Variants in GAPT observed in about 807,000 individuals in gnomAD.
The protein encoded by GAPT is protein GAPT.
For synonymous variants in GAPT, 82 were observed against 69.7 expected (o/e 1.18, Z -0.88); for missense variants, 206 against 189.2 (o/e 1.09, Z -0.52).
chr5:58,492,227 C>T (rs1047946752), intron 1 of GAPT, among the ~76,000 whole-genome samples: 1 of 152,158 alleles, frequency 6.6e-6, no homozygotes, highest in Non-Finnish European at 1.5e-5. Flanking sequence ...CCTCAACCCT[C>T]ACCGTGACTT....
At chr5:58,492,051 A>G (rs541363219) in intron 1 of GAPT, among the ~76,000 whole-genome samples, 2 of 152,260 alleles carry the variant, frequency 1.3e-5, no homozygotes, top group East Asian at 3.9e-4. Context: ...TCTTGTCTTT[A>G]TCTTGGTAAA....
At chr5:58,492,984 A>G (rs1472218522) in intron 1 of GAPT, among the ~76,000 whole-genome samples, 1 of 152,158 alleles carries the variant, frequency 6.6e-6, no homozygotes. Flanking sequence ...CATGTTACAG[A>G]TATTTGGATA....
chr5:58,492,044 T>C (rs1217162900), intron 1 of GAPT, among the ~76,000 whole-genome samples: 1 of 152,202 alleles, frequency 6.6e-6, no homozygotes, highest in African/African-American at 2.4e-5. Flanking sequence ...AAAGTCTTCT[T>C]GTCTTTATCT....
rs2111771997 is a variant in GAPT at position 58,494,802 on chromosome 5, C to T, written c.266C>T (p.Thr89Ile). 6.2e-7 allele frequency: 1 copy of T among 1,613,968 alleles called. No homozygotes were observed. Among genetic ancestry groups the T allele is most frequent in the Non-Finnish European group, 8.5e-7 (1 of 1,179,972 alleles). Residue 89 changes from threonine (T) to isoleucine (I), a missense_variant, in exon 3 of 3, where the codon ACA (threonine) becomes ATA (isoleucine). Physicochemically the swap from Thr to Ile is moderately conservative, Grantham distance 89 (BLOSUM62 -1). Transcript: ENST00000502276. ...DHKSAVRGNN[T>I]HDNYENVEAG... is the part of the protein sequence containing the mutation. ...AAATCTGCTGTCAGGGGAAATAACA[C>T]ACACGACAACTATGAAAATGTGGAA...
At position 58,495,168 on chromosome 5, in the gene GAPT, A is replaced by C; in HGVS notation, c.*158A>C. 1 of 576,766 alleles carries C rather than the reference A, an allele frequency of 1.7e-6. No homozygotes were observed. Among genetic ancestry groups the C allele is most frequent in the South Asian group, 2.3e-5 (1 of 42,642 alleles). 35.7% of individuals were successfully genotyped at this position (576,766 alleles called of 1,614,324 possible). A position where few individuals can be genotyped will look rare whatever the true frequency, so the allele number is the denominator to read the frequency against. On this transcript the variant is annotated 3_prime_UTR_variant, in exon 3 of 3. Coordinates refer to ENST00000502276, the MANE Select transcript of GAPT (RefSeq NM_001304431.2). ...TAGAATATTATGCAGCCGTAAAAAA[A>C]GAACAAAACTAACATGGGAACAGAA...
At position 58,496,114 on chromosome 5, in the gene GAPT, T is replaced by C. The variant is rs923191389; in HGVS notation, c.*1104T>C. ...GCATTTACCTTTTTATTTTCTGATATAAGCTTTGATGCCTCTTCAATTCTT... is the reference window on the plus strand; with the variant it reads ...GCATTTACCTTTTTATTTTCTGATACAAGCTTTGATGCCTCTTCAATTCTT... On this transcript the variant is annotated 3_prime_UTR_variant, in exon 3 of 3. Coordinates refer to ENST00000502276, the MANE Select transcript of GAPT (RefSeq NM_001304431.2). 1.8e-5 allele frequency: 3 copies of C among 166,944 alleles called. No homozygotes were observed. The highest frequency in any genetic ancestry group is 4.4e-5 in the Non-Finnish European group (3 of 68,106). The allele number at this position is 166,944 out of a possible 1,614,324, so 10.3% of individuals were successfully genotyped here.
In GAPT at chr5:58,493,790, C is replaced by T. The variant is rs2111767616; in HGVS notation, c.-339C>T. 6.6e-6 allele frequency: 1 copy of T among 152,254 alleles called. No individual in the cohort carries two copies. Among genetic ancestry groups the T allele is most frequent in the Middle Eastern group, 3.4e-3 (1 of 294 alleles). 9.4% of individuals were successfully genotyped at this position (152,254 alleles called of 1,614,324 possible). Reference sequence around the variant, plus strand: ...AATGGTTAAGAAAAAGACATGGCCTCTGACTGCTCCAAAAAAGGATAAGCA... The same window carrying T: ...AATGGTTAAGAAAAAGACATGGCCTTTGACTGCTCCAAAAAAGGATAAGCA... On this transcript the variant is annotated 5_prime_UTR_variant, in exon 2 of 3. Coordinates refer to ENST00000502276, the MANE Select transcript of GAPT (RefSeq NM_001304431.2).
rs1393979190 is a variant in GAPT, at chr5:58,497,009, C to T, written c.*1999C>T. 1 of 167,100 alleles carries T rather than the reference C, an allele frequency of 6.0e-6. No homozygotes were observed. Among genetic ancestry groups the T allele is most frequent in the Non-Finnish European group, 1.5e-5 (1 of 68,148 alleles). The allele number at this position is 167,100 out of a possible 1,614,324, so 10.4% of individuals were successfully genotyped here. On this transcript the variant is annotated 3_prime_UTR_variant, in exon 3 of 3. Transcript: ENST00000502276. ...GTTACAGTTACTATCTCTGTGGTAC[C>T]TGTGTCCCCTTTTTTGTTTTTCCAT...
rs556010725 is a variant in GAPT, at chr5:58,495,124, A to G, written c.*114A>G. ...ATCAACTGTAGACTGGATAAAGAAAATGTGGTACACATACACCATAGAATA... is the reference window on the plus strand; with the variant it reads ...ATCAACTGTAGACTGGATAAAGAAAGTGTGGTACACATACACCATAGAATA... On this transcript the variant is annotated 3_prime_UTR_variant, in exon 3 of 3. Transcript: ENST00000502276. 1.1e-5 allele frequency: 7 copies of G among 664,390 alleles called. No homozygotes were observed. In the South Asian group the frequency reaches 1.4e-4, roughly 13 times the overall value. 41.2% of individuals were successfully genotyped at this position (664,390 alleles called of 1,614,324 possible). A position where few individuals can be genotyped will look rare whatever the true frequency, so the allele number is the denominator to read the frequency against.
chr5:58,493,550 C>T (rs866389677), intron 1 of GAPT, 161 bp from the exon 2 acceptor site: 5 of 152,260 alleles, frequency 3.3e-5, no homozygotes, highest in African/African-American at 1.2e-4. Flanking sequence ...TAGATGCTGA[C>T]ATTTGCAGTC....
intron 1 of GAPT, among the ~76,000 whole-genome samples, chr5:58,492,572 T>A (rs892488910): frequency 3.3e-5 from 5 of 152,184 alleles, no homozygotes; most frequent in Non-Finnish European, 7.4e-5. Context: ...ATTAAAATGT[T>A]TCTGCATCTG....
rs1456760517 is a variant in GAPT, at chr5:58,497,034, T to A, written c.*2024T>A. 6.0e-6 allele frequency: 1 copy of A among 167,140 alleles called. No homozygotes were observed. The highest frequency in any genetic ancestry group is 1.5e-5 in the Non-Finnish European group (1 of 68,162). 10.4% of individuals were successfully genotyped at this position (167,140 alleles called of 1,614,324 possible). A position where few individuals can be genotyped will look rare whatever the true frequency, so the allele number is the denominator to read the frequency against. ...CTGTGTCCCCTTTTTTGTTTTTCCA[T>A]CCTGCCAATGCCTGTTTAGCCAATT... is the stretch of plus-strand genomic sequence containing the variant. On this transcript the variant is annotated 3_prime_UTR_variant, in exon 3 of 3. Transcript: ENST00000502276.
chr5:58,494,548 C>A lies in GAPT; in HGVS notation c.12C>A (p.Ser4Arg). 1 of 1,609,054 alleles carries A rather than the reference C, an allele frequency of 6.2e-7. No homozygotes were observed. Among genetic ancestry groups the A allele is most frequent in the Non-Finnish European group, 8.5e-7 (1 of 1,177,186 alleles). Residue 4 changes from serine to arginine, a missense_variant, in exon 3 of 3, where the codon AGC becomes AGA. Physicochemically the swap from Ser to Arg is moderately radical, Grantham distance 110. Transcript: ENST00000502276. ...CTGTTTGTACAGAAATGTCGAAAAG[C>A]TGTGGAAATAATTTAGCGGCCATTT... Reference protein sequence around the residue: MSKSCGNNLAAISV... With the variant: MSKRCGNNLAAISV...
chr5:58,495,279 G>C lies in GAPT; in HGVS notation c.*269G>C, dbSNP rs1181181940. ...GAAGGAGAGGAACAACAGACACTGG[G>C]GCCTACTTGAGGGAGGACAGTGGAA... On this transcript the variant is annotated 3_prime_UTR_variant, in exon 3 of 3. Coordinates refer to ENST00000502276, the MANE Select transcript of GAPT (RefSeq NM_001304431.2). The C allele has an allele frequency of 5.6e-6, 2 of 359,244 alleles. No individual in the cohort carries two copies. The highest frequency in any genetic ancestry group is 1.0e-5 in the Non-Finnish European group (2 of 197,024). 22.3% of individuals were successfully genotyped at this position (359,244 alleles called of 1,614,324 possible).
rs201694523 is a variant in GAPT, at chr5:58,494,742, T to C, written c.206T>C (p.Leu69Ser). 8.7e-5 allele frequency: 140 copies of C among 1,613,946 alleles called. No individual in the cohort carries two copies. Among genetic ancestry groups the C allele is most frequent in the Admixed American group, 1.5e-4 (9 of 59,932 alleles). The change falls in exon 3 of 3, where the codon TTA becomes TCA. Residue 69 changes from leucine to serine, a missense_variant. By Grantham distance (145) the Leu-to-Ser change is moderately radical. Transcript: ENST00000502276. ...TTCTTGGGCCCCCGCATCATTGGCT[T>C]AAGGCATGAAATCTCAGTTGAAACC... ...KTFLGPRIIGLRHEISVETQD... is the reference protein window; with the variant it reads ...KTFLGPRIIGSRHEISVETQD...
rs900702300 is a variant in GAPT at position 58,494,228 on chromosome 5, T to C, written c.-290-19T>C. ...TCATCTTCCACTCATTTCTGCTTCA[T>C]TTTGTGATTCGTTAACAGAAAAGGA... On this transcript the variant is annotated intron_variant, in intron 2 of 2. Transcript: ENST00000502276. The C allele has an allele frequency of 3.3e-5, 8 of 241,902 alleles. No homozygotes were observed. The highest frequency in any genetic ancestry group is 1.6e-4 in the African/African-American group (7 of 44,754). 15.0% of individuals were successfully genotyped at this position (241,902 alleles called of 1,614,324 possible).
rs368028174 is a variant in GAPT at position 58,494,904 on chromosome 5, A to C, written c.368A>C (p.His123Pro). ...ENTGQSNFEE[H>P]IYGNETSSDY... ...ACAGGGCAGTCTAATTTCGAGGAGC[A>C]TATCTATGGAAATGAGACATCTTCT... The change falls in exon 3 of 3, where the codon CAT (histidine) becomes CCT (proline). Residue 123 changes from histidine (H) to proline (P), a missense_variant. Transcript: ENST00000502276. 3.1e-6 allele frequency: 5 copies of C among 1,613,922 alleles called. No homozygotes were observed. Among genetic ancestry groups the C allele is most frequent in the Non-Finnish European group, 3.4e-6 (4 of 1,179,912 alleles).
chr5:58,494,547 G>A lies in GAPT; in HGVS notation c.11G>A (p.Ser4Asn), dbSNP rs1213976961. ...ACTGTTTGTACAGAAATGTCGAAAA[G>A]CTGTGGAAATAATTTAGCGGCCATT... MSKSCGNNLAAISV... is the reference protein window; with the variant it reads MSKNCGNNLAAISV... Residue 4 changes from serine (S) to asparagine (N), a missense_variant, in exon 3 of 3, where the codon AGC becomes AAC. By Grantham distance (46) the Ser-to-Asn change is conservative. Transcript: ENST00000502276. 1.2e-6 allele frequency: 2 copies of A among 1,609,172 alleles called. No individual in the cohort carries two copies. Among genetic ancestry groups the A allele is most frequent in the Admixed American group, 1.7e-5 (1 of 59,406 alleles).
rs575526071 is a variant in GAPT at position 58,495,320 on chromosome 5, G to C, written c.*310G>C. The C allele has an allele frequency of 4.1e-4, 114 of 276,110 alleles. 3 individuals carry two copies. In the South Asian group the frequency reaches 6.2e-3, roughly 15 times the overall value. The allele number at this position is 276,110 out of a possible 1,614,324, so 17.1% of individuals were successfully genotyped here. On this transcript the variant is annotated 3_prime_UTR_variant, in exon 3 of 3. Coordinates refer to ENST00000502276, the MANE Select transcript of GAPT (RefSeq NM_001304431.2). ...GACAGTGGAAGGAGGGAGAGGTTCA[G>C]GGAAAAAAAAAATATCAGGTACTAT...
Sources: gnomAD v4.1 joint callset for allele counts (sites outside exome capture counted in the v4.1 genomes callset) on GRCh38, gnomAD v4.1.1 for gene constraint, MANE v1.5 for transcripts, NCBI Gene and HGNC (gene_info 2026-07-23, HGNC 2026-07-21) for gene names.